The following CSNK1G3 variants were observed in gnomAD, a reference collection of about 807,000 sequenced individuals.
CSNK1G3 encodes casein kinase 1 gamma 3, also known as casein kinase I isoform gamma-3.
In CSNK1G3, 23 loss-of-function variants were observed where a neutral mutation model predicts 64.3. The observed-to-expected ratio is 0.36, with a 90% CI of 0.26 to 0.51. The LOEUF (loss-of-function observed/expected upper bound fraction) is 0.51, where lower values mean the gene tolerates loss of function less well. Ranked by LOEUF, CSNK1G3 falls within the 20% of genes least tolerant of loss-of-function variation. CSNK1G3 has a pLI of 0.96. For missense variants in CSNK1G3, 357 were observed against 510.5 expected (o/e 0.70, Z 2.90); for synonymous variants, 158 against 162.2 (o/e 0.97, Z 0.20).
chr5:123,544,781 AT>A (rs1355384859), intron 1 of CSNK1G3, among the ~76,000 whole-genome samples: 3 of 152,206 alleles, frequency 2.0e-5, no homozygotes, highest in African/African-American at 7.2e-5. Flanking sequence ...GCCTGTCAAC[AT>A]TTCACAGTCT....
chr5:123,571,335 G>A (rs551916975), intron 4 of CSNK1G3, among the ~76,000 whole-genome samples: 2 of 152,238 alleles, frequency 1.3e-5, no homozygotes, highest in East Asian at 3.9e-4. Flanking sequence ...CCAGGCTGGA[G>A]TGCAGTGGCG....
chr5:123,593,447 C>T (rs1467447704), intron 10 of CSNK1G3, among the ~76,000 whole-genome samples: 2 of 151,786 alleles, frequency 1.3e-5, no homozygotes, highest in African/African-American at 4.8e-5. Context: ...TTGTAATGCC[C>T]CTAGATAAAT....
At chr5:123,590,939 T>G (rs755875997) in intron 9 of CSNK1G3, among the ~76,000 whole-genome samples, 8 of 152,050 alleles carry the variant, frequency 5.3e-5, no homozygotes, top group Non-Finnish European at 1.2e-4. Context: ...ATTAGTTTTT[T>G]TATTCTTTTA....
intron 3 of CSNK1G3, among the ~76,000 whole-genome samples, chr5:123,556,999 A>C (rs1784772360): frequency 6.6e-6 from 1 of 152,084 alleles, no homozygotes; most frequent in Non-Finnish European, 1.5e-5. Context: ...TATGTATTTA[A>C]CGCTTATGAA....
At chr5:123,592,292 A>G (rs1792516515) in intron 10 of CSNK1G3, among the ~76,000 whole-genome samples, 1 of 152,024 alleles carries the variant, frequency 6.6e-6, no homozygotes, top group Non-Finnish European at 1.5e-5. Flanking sequence ...AGCGGTTCAA[A>G]TTTGTTTGGA....
intron 10 of CSNK1G3, among the ~76,000 whole-genome samples, chr5:123,592,056 C>A (rs78831869): frequency 2.6e-5 from 4 of 151,976 alleles, no homozygotes; most frequent in East Asian, 3.9e-4. Flanking sequence ...ACAGAAATAG[C>A]TATATTTAAA....
intron 10 of CSNK1G3, 99 bp from the exon 12 acceptor site, chr5:123,604,625 C>A (rs1199191033): frequency 1.2e-5 from 7 of 572,258 alleles, no homozygotes; most frequent in African/African-American, 1.2e-4. Context: ...AATACTTTAA[C>A]AATTATGTTT....
At chr5:123,555,964 T>C (rs1784548409) in intron 3 of CSNK1G3, among the ~76,000 whole-genome samples, 1 of 152,122 alleles carries the variant, frequency 6.6e-6, no homozygotes, top group South Asian at 2.1e-4. Context: ...AAGTACTTTA[T>C]ATATAAGAAA....
At chr5:123,592,291 A>T (rs1338118572) in intron 10 of CSNK1G3, among the ~76,000 whole-genome samples, 1 of 152,030 alleles carries the variant, frequency 6.6e-6, no homozygotes, top group Non-Finnish European at 1.5e-5. Flanking sequence ...AAGCGGTTCA[A>T]ATTTGTTTGG....
intron 1 of CSNK1G3, among the ~76,000 whole-genome samples, chr5:123,532,114 G>C (rs1340900833): frequency 2.6e-5 from 4 of 151,640 alleles, no homozygotes; most frequent in African/African-American, 4.8e-5. Flanking sequence ...GTAATAGTAA[G>C]GTATTTTTAG....
chr5:123,588,534 T>C, intron 8 of CSNK1G3, 23 bp downstream of exon 8: 1 of 1,351,644 alleles, frequency 7.4e-7, no homozygotes, highest in Non-Finnish European at 1.1e-6. Context: ...GTGAGGTTGA[T>C]ACATTATATA....
intron 10 of CSNK1G3, chr5:123,595,117 C>T: frequency 3.1e-6 from 5 of 1,613,544 alleles, no homozygotes; most frequent in Non-Finnish European, 4.2e-6. Context: ...AGCAGACAGA[C>T]ATGGTGGCTC....
intron 4 of CSNK1G3, among the ~76,000 whole-genome samples, chr5:123,566,943 A>T (rs1402206425): frequency 6.6e-6 from 1 of 152,054 alleles, no homozygotes; most frequent in African/African-American, 2.4e-5. Flanking sequence ...ATGTTTAATG[A>T]TTGTATTCGT....
intron 2 of CSNK1G3, 50 bp from the exon 3 acceptor site, chr5:123,553,057 A>G: frequency 1.0e-6 from 1 of 998,670 alleles, no homozygotes; most frequent in Non-Finnish European, 1.5e-6. Context: ...TATATAATGT[A>G]TCTTTAAAAT....
intron 1 of CSNK1G3, among the ~76,000 whole-genome samples, chr5:123,522,593 C>T (rs1778319406): frequency 6.6e-6 from 1 of 151,994 alleles, no homozygotes; most frequent in Admixed American, 6.6e-5. Flanking sequence ...TGACACCTTC[C>T]CCTATTCTTT....
At chr5:123,595,851 A>G (rs1793345904) in intron 10 of CSNK1G3, among the ~76,000 whole-genome samples, 1 of 152,078 alleles carries the variant, frequency 6.6e-6, no homozygotes, top group South Asian at 2.1e-4. Flanking sequence ...GAAATAGGGA[A>G]AGATTGCTGA....
intron 10 of CSNK1G3, among the ~76,000 whole-genome samples, chr5:123,603,230 C>T (rs1794786957): frequency 6.6e-6 from 1 of 151,684 alleles, no homozygotes; most frequent in Non-Finnish European, 1.5e-5. Context: ...GGAATAAACA[C>T]ATGGAAAATT....
intron 1 of CSNK1G3, among the ~76,000 whole-genome samples, chr5:123,527,481 A>G (rs971708058): frequency 6.6e-5 from 10 of 152,128 alleles, no homozygotes; most frequent in Non-Finnish European, 1.5e-4. Context: ...TGCACATTTC[A>G]TTCTAGAATT....
At chr5:123,567,415 A>G (rs10059534) in intron 4 of CSNK1G3, among the ~76,000 whole-genome samples, 34,409 of 152,024 alleles carry the variant, frequency 0.23, 4,173 homozygotes, top group African/African-American at 0.29. Flanking sequence ...ATCCTGGCCA[A>G]CATAGGGAAA....
Sources: allele counts gnomAD v4.1 joint callset (sites outside exome capture counted in the v4.1 genomes callset), GRCh38; gene constraint gnomAD v4.1.1; transcripts MANE v1.5; gene names NCBI Gene and HGNC (gene_info 2026-07-23, HGNC 2026-07-21).